Variants in SOCS2 observed in about 807,000 individuals in gnomAD.
SOCS2 encodes suppressor of cytokine signaling 2, also known as CIS-2.
A neutral mutation model predicts 18.6 loss-of-function variants in SOCS2; 10 were observed. The ratio of observed to expected loss-of-function variants is 0.54; its 90% CI spans 0.33 to 0.91. SOCS2 has a LOEUF of 0.91. Among genes scored for constraint, SOCS2 ranks in the 40% least tolerant of loss-of-function variants. The pLI is 0.02. For synonymous variants in SOCS2, 104 were observed against 104.0 expected, an observed-to-expected ratio of 1.00 and a Z score of 0.00; for missense variants, 231 against 247.2, an observed-to-expected ratio of 0.93 and a Z score of 0.44.
the SOCS2 span, among the ~76,000 whole-genome samples, chr12:93,614,474 CCTTCCTTTCCTT>C: frequency 8.6e-5 from 7 of 81,222 alleles, 1 homozygote; most frequent in Admixed American, 1.4e-4. Context: ...TTCCTTCCTT[CCTTCCTTTCCTT>C]CCTTCCTTCC....
chr12:93,580,141 C>T (rs75820776), downstream of SOCS2, among the ~76,000 whole-genome samples: 2,458 of 152,266 alleles, frequency 0.016, 19 homozygotes, highest in Middle Eastern at 0.075. Context: ...GAGACTTTTT[C>T]GCCAGTTAAA....
chr12:93,590,234 C>CA, the SOCS2 span, among the ~76,000 whole-genome samples: 610 of 129,512 alleles, frequency 4.7e-3, 9 homozygotes, highest in African/African-American at 0.011. Flanking sequence ...GACTCAGTCT[C>CA]AAAAAAAAAA....
the SOCS2 span, among the ~76,000 whole-genome samples, chr12:93,609,063 C>T: frequency 6.6e-6 from 1 of 152,128 alleles, no homozygotes; most frequent in Non-Finnish European, 1.5e-5. Flanking sequence ...AGTTCAAGAC[C>T]AGCCTGGGCA....
the SOCS2 span, among the ~76,000 whole-genome samples, chr12:93,614,484 C>CTTCCTTCCTTCT: frequency 1.1e-3 from 26 of 23,798 alleles, 1 homozygote; most frequent in Non-Finnish European, 1.4e-3. Context: ...CCTTCCTTTC[C>CTTCCTTCCTTCT]TTCCTTCCTT....
chr12:93,582,109 C>T (rs992550136), intron 1 of SOCS2, among the ~76,000 whole-genome samples: 6 of 152,130 alleles, frequency 3.9e-5, no homozygotes, highest in African/African-American at 1.4e-4. Context: ...TGCCATTGAC[C>T]TGCTTTGAGG....
chr12:93,616,642 T>A, the SOCS2 span, among the ~76,000 whole-genome samples: 1 of 152,110 alleles, frequency 6.6e-6, no homozygotes, highest in Non-Finnish European at 1.5e-5. Flanking sequence ...AGAGCAGAAT[T>A]AGGCAGGAAT....
At chr12:93,596,260 G>T in the SOCS2 span, among the ~76,000 whole-genome samples, 1 of 152,152 alleles carries the variant, frequency 6.6e-6, no homozygotes, top group African/African-American at 2.4e-5. Context: ...ACCATGCTTG[G>T]CATGAAACCA....
chr12:93,586,056 C>T (rs1471177208), downstream of SOCS2, among the ~76,000 whole-genome samples: 1 of 150,702 alleles, frequency 6.6e-6, no homozygotes, highest in Non-Finnish European at 1.5e-5. Context: ...CTTTTTTTTC[C>T]CTCCCCCAAA....
upstream of SOCS2, chr12:93,571,041 A>T (rs1338324796): frequency 6.5e-6 from 1 of 153,846 alleles, no homozygotes; most frequent in Non-Finnish European, 1.5e-5. Flanking sequence ...CCGACGTTTA[A>T]CTCTTGCCAA....
chr12:93,585,639 T>C (rs1424383975), downstream of SOCS2, among the ~76,000 whole-genome samples: 1 of 152,216 alleles, frequency 6.6e-6, no homozygotes, highest in Non-Finnish European at 1.5e-5. Context: ...TTATAGAACA[T>C]GTATAGCCTC....
chr12:93,618,144 A>G, the SOCS2 span, among the ~76,000 whole-genome samples: 1 of 152,036 alleles, frequency 6.6e-6, no homozygotes, highest in Non-Finnish European at 1.5e-5. Context: ...GCCATGTAAG[A>G]TGTGCCTGCT....
the SOCS2 span, among the ~76,000 whole-genome samples, chr12:93,619,308 A>C: frequency 5.3e-5 from 8 of 152,184 alleles, no homozygotes; most frequent in East Asian, 1.9e-4. Context: ...GCCAGAGAGC[A>C]AGAGAGCCTT....
the SOCS2 span, among the ~76,000 whole-genome samples, chr12:93,598,012 C>A: frequency 1.3e-5 from 2 of 152,126 alleles, no homozygotes; most frequent in Non-Finnish European, 2.9e-5. Flanking sequence ...GTGAACAAGG[C>A]AAATCTTTTG....
chr12:93,571,888 G>A (rs1195330725), upstream of SOCS2: 4 of 434,010 alleles, frequency 9.2e-6, no homozygotes, highest in South Asian at 3.2e-5. Context: ...TGCGGAGGCG[G>A]CGGCGGCGGC....
At chr12:93,608,756 T>G in the SOCS2 span, among the ~76,000 whole-genome samples, 7 of 152,276 alleles carry the variant, frequency 4.6e-5, no homozygotes, top group South Asian at 2.1e-4. Context: ...TCACATTAAA[T>G]CATCTCCCAT....
chr12:93,572,613 T>C, upstream of SOCS2: 1 of 646,180 alleles, frequency 1.5e-6, no homozygotes, highest in Non-Finnish European at 2.8e-6. This position sits in a 1 kb window ranked among gnomAD's most constrained non-coding sequence, Gnocchi z 5.0. Context: ...TTTCCACGTC[T>C]ATTTCCCCAC....
chr12:93,599,944 G>A, the SOCS2 span, among the ~76,000 whole-genome samples: 1 of 152,076 alleles, frequency 6.6e-6, no homozygotes, highest in South Asian at 2.1e-4. Context: ...AACACAAAAT[G>A]GACTAAGACA....
At chr12:93,592,017 T>A in the SOCS2 span, among the ~76,000 whole-genome samples, 1 of 152,140 alleles carries the variant, frequency 6.6e-6, no homozygotes, top group African/African-American at 2.4e-5. Context: ...ATTCTAAAAG[T>A]GATAACATGC....
chr12:93,597,217 C>T, the SOCS2 span, among the ~76,000 whole-genome samples: 244 of 152,302 alleles, frequency 1.6e-3, 1 homozygote, highest in African/African-American at 5.6e-3. Flanking sequence ...AATCAGGATA[C>T]AGAACTATCA....
Sources: gnomAD v4.1 joint callset for allele counts (sites outside exome capture counted in the v4.1 genomes callset) on GRCh38, gnomAD v4.1.1 for gene constraint, Gnocchi (gnomAD v3.1) non-coding constraint, MANE v1.5 for transcripts, NCBI Gene and HGNC (gene_info 2026-07-23, HGNC 2026-07-21) for gene names.